MTHFD2L: variants seen among roughly 807,000 people sequenced by gnomAD.
MTHFD2L encodes methylenetetrahydrofolate dehydrogenase (NADP+ dependent) 2 like.
A neutral mutation model predicts 34.9 loss-of-function variants in MTHFD2L; 29 were observed. That is an observed-to-expected ratio of 0.83 (90% CI 0.62 to 1.13). The LOEUF (loss-of-function observed/expected upper bound fraction) is 1.13, where lower values mean the gene tolerates loss of function less well. Among genes scored for constraint, MTHFD2L ranks in the 50% most tolerant of loss-of-function variants. The pLI is 0.00. For missense variants in MTHFD2L, 481 were observed against 446.5 expected, an observed-to-expected ratio of 1.08 and a Z score of -0.70; for synonymous variants, 167 against 155.7, an observed-to-expected ratio of 1.07 and a Z score of -0.54.
rs1441512205 is a variant in MTHFD2L at position 74,199,857 on chromosome 4, A to G, written c.515A>G (p.His172Arg). The G allele has an allele frequency of 6.2e-7, 1 of 1,613,906 alleles. No homozygotes were observed. Residue 172 changes from histidine to arginine, a missense_variant, in exon 4 of 8, where the codon CAT becomes CGT. By Grantham distance (29) the His-to-Arg change is conservative. Transcript: ENST00000325278. The part of the protein sequence containing the change: ...IAPEKDVDGF[H>R]IINIGRLCLD... Reference sequence around the variant, plus strand: ...CCAGAAAAAGATGTAGATGGATTTCATATTATCAATATTGGAAGATTGTGC... The same window carrying G: ...CCAGAAAAAGATGTAGATGGATTTCGTATTATCAATATTGGAAGATTGTGC...
intron 6 of MTHFD2L, among the ~76,000 whole-genome samples, chr4:74,258,471 A>AT (rs1188342953): frequency 1.3e-5 from 2 of 151,934 alleles, no homozygotes; most frequent in East Asian, 1.9e-4. Flanking sequence ...TTATACACAG[A>AT]TTTTTTTTAA....
intron 1 of MTHFD2L, among the ~76,000 whole-genome samples, chr4:74,126,952 G>A (rs1382509757): frequency 6.6e-6 from 1 of 151,934 alleles, no homozygotes; most frequent in Non-Finnish European, 1.5e-5. Context: ...TCATGGGGGC[G>A]ATTTCCCCCA....
At chr4:74,218,074 A>G (rs900080206) in intron 5 of MTHFD2L, among the ~76,000 whole-genome samples, 1 of 152,110 alleles carries the variant, frequency 6.6e-6, no homozygotes, top group African/African-American at 2.4e-5. Context: ...CCTGCTTTCC[A>G]TATGAGAATA....
At chr4:74,285,806 T>C (rs1748098965) in intron 7 of MTHFD2L, among the ~76,000 whole-genome samples, 1 of 152,166 alleles carries the variant, frequency 6.6e-6, no homozygotes, top group African/African-American at 2.4e-5. Flanking sequence ...TCTCTGTGTC[T>C]AATTAAATCT....
chr4:74,293,191 C>T (rs1399972057), intron 7 of MTHFD2L, among the ~76,000 whole-genome samples: 1 of 152,094 alleles, frequency 6.6e-6, no homozygotes, highest in African/African-American at 2.4e-5. Context: ...GCTATTCCTT[C>T]CCTTGCCCTC....
At chr4:74,175,426 A>G in intron 3 of MTHFD2L, 23 bp downstream of exon 3, 1 of 1,587,904 alleles carries the variant, frequency 6.3e-7, no homozygotes, top group Middle Eastern at 1.7e-4. Context: ...CCTCTTATTT[A>G]TCTGATTTTG....
chr4:74,195,380 A>G (rs969253554), intron 3 of MTHFD2L: 14 of 152,328 alleles, frequency 9.2e-5, no homozygotes, highest in African/African-American at 3.1e-4. Flanking sequence ...AGAAGAAGGA[A>G]ACTAATTAGG....
At chr4:74,253,504 A>G (rs1013798725) in intron 6 of MTHFD2L, among the ~76,000 whole-genome samples, 1 of 152,204 alleles carries the variant, frequency 6.6e-6, no homozygotes, top group African/African-American at 2.4e-5. Context: ...TACATTTCCC[A>G]CTTCACACCT....
At chr4:74,223,636 TAA>T (rs1318726199) in intron 5 of MTHFD2L, among the ~76,000 whole-genome samples, 2 of 16,302 alleles carry the variant, frequency 1.2e-4, no homozygotes, top group Admixed American at 7.9e-4. Flanking sequence ...TAAAAACAAA[TAA>T]AAATAAATAA....
chr4:74,234,795 C>CTGTGTGTGTG (rs576512591), intron 6 of MTHFD2L, among the ~76,000 whole-genome samples: 9 of 113,662 alleles, frequency 7.9e-5, no homozygotes, highest in African/African-American at 4.5e-4. Flanking sequence ...GAAAAGGAGA[C>CTGTGTGTGTG]AGTGTGTGTG....
chr4:74,284,982 C>T (rs1747975591), intron 7 of MTHFD2L, among the ~76,000 whole-genome samples: 1 of 152,116 alleles, frequency 6.6e-6, no homozygotes. Flanking sequence ...AAATGTGGCA[C>T]ATATACACCA....
intron 5 of MTHFD2L, among the ~76,000 whole-genome samples, chr4:74,215,553 G>A (rs184102562): frequency 1.5e-4 from 23 of 151,662 alleles, no homozygotes; most frequent in Non-Finnish European, 2.9e-4. Flanking sequence ...CCAATGAGAT[G>A]AGCCAAGTAC....
intron 7 of MTHFD2L, among the ~76,000 whole-genome samples, chr4:74,287,789 T>C (rs1202867502): frequency 6.6e-6 from 1 of 152,176 alleles, no homozygotes; most frequent in Non-Finnish European, 1.5e-5. Flanking sequence ...AAGTCTGGAA[T>C]TAGGGAGACA....
chr4:74,124,571 G>A (rs563086313), upstream of MTHFD2L, among the ~76,000 whole-genome samples: 2 of 151,952 alleles, frequency 1.3e-5, no homozygotes, highest in South Asian at 4.1e-4. Context: ...TCAAGGGTTG[G>A]TCTAAAACTA....
intron 7 of MTHFD2L, among the ~76,000 whole-genome samples, chr4:74,296,106 A>G (rs1316728777): frequency 1.3e-5 from 2 of 152,152 alleles, no homozygotes; most frequent in East Asian, 1.9e-4. Context: ...TTACGAATCT[A>G]TCTGGTCCAG....
At chr4:74,153,932 C>A (rs1284515162), upstream of MTHFD2L, among the ~76,000 whole-genome samples, 2 of 152,006 alleles carry the variant, frequency 1.3e-5, no homozygotes, top group African/African-American at 4.8e-5. Context: ...TTATTTAGAT[C>A]TTCTTCGTTT....
intron 6 of MTHFD2L, among the ~76,000 whole-genome samples, chr4:74,254,587 C>A (rs200159027): frequency 6.3e-5 from 9 of 142,852 alleles, no homozygotes; most frequent in Non-Finnish European, 6.1e-5. Flanking sequence ...CCCCCACCTC[C>A]AAAAAAAAAA....
At chr4:74,271,518 C>G (rs1454433455) in intron 6 of MTHFD2L, among the ~76,000 whole-genome samples, 2 of 152,146 alleles carry the variant, frequency 1.3e-5, no homozygotes, top group South Asian at 2.1e-4. Context: ...CTGTTCTGTT[C>G]CATTGGTCTA....
At chr4:74,287,388 T>G (rs1406323172) in intron 7 of MTHFD2L, among the ~76,000 whole-genome samples, 1 of 152,186 alleles carries the variant, frequency 6.6e-6, no homozygotes, top group Non-Finnish European at 1.5e-5. Context: ...TTTTTCCTTT[T>G]AAGTATTATA....
Sources: gnomAD v4.1 joint callset for allele counts (sites outside exome capture counted in the v4.1 genomes callset) on GRCh38, gnomAD v4.1.1 for gene constraint, MANE v1.5 for transcripts, NCBI Gene and HGNC (gene_info 2026-07-23, HGNC 2026-07-21) for gene names.